SPOCK1: variants seen among roughly 807,000 people sequenced by gnomAD.
The protein encoded by SPOCK1 is testican-1.
A neutral mutation model predicts 55.3 loss-of-function variants in SPOCK1; 23 were observed. The observed-to-expected ratio is 0.42, with a 90% CI of 0.30 to 0.59. The LOEUF (loss-of-function observed/expected upper bound fraction) is 0.59. SPOCK1 is among the 20% of genes least tolerant of loss of function. The pLI is 0.22. For missense variants in SPOCK1, 499 were observed against 552.5 expected (o/e 0.90, Z 0.97); for synonymous variants, 226 against 221.0 (o/e 1.02, Z -0.20).
chr5:137,005,733 G>T (rs1280828205), intron 6 of SPOCK1, among the ~76,000 whole-genome samples: 2 of 151,898 alleles, frequency 1.3e-5, no homozygotes, highest in Admixed American at 6.6e-5. Context: ...ATTACAGAAG[G>T]TTACAGAGTA....
At chr5:137,148,873 A>C (rs931300279) in intron 3 of SPOCK1, among the ~76,000 whole-genome samples, 1 of 152,190 alleles carries the variant, frequency 6.6e-6, no homozygotes, top group Non-Finnish European at 1.5e-5. Flanking sequence ...TAATGAAAAT[A>C]ACTTCTGATG....
intron 4 of SPOCK1, among the ~76,000 whole-genome samples, chr5:137,124,137 G>T (rs145578945): frequency 2.0e-5 from 3 of 152,180 alleles, no homozygotes; most frequent in African/African-American, 4.8e-5. Flanking sequence ...AGAAAATGGT[G>T]CAAGGAGAAA....
chr5:137,022,867 C>T (rs1411295157), intron 6 of SPOCK1, among the ~76,000 whole-genome samples: 1 of 152,194 alleles, frequency 6.6e-6, no homozygotes, highest in Non-Finnish European at 1.5e-5. Context: ...TAGAATTCTC[C>T]ACTGCTCATT....
chr5:137,146,417 C>G (rs1754194557), intron 3 of SPOCK1, among the ~76,000 whole-genome samples: 1 of 152,222 alleles, frequency 6.6e-6, no homozygotes, highest in Non-Finnish European at 1.5e-5. Context: ...AAAAAGTCCA[C>G]CAGTTAAAGA....
intron 2 of SPOCK1, among the ~76,000 whole-genome samples, chr5:137,460,917 C>T (rs1276071587): frequency 2.6e-5 from 4 of 152,174 alleles, no homozygotes; most frequent in Non-Finnish European, 5.9e-5. Flanking sequence ...GCTGCCTCCA[C>T]TCAACTTTCT....
At chr5:137,323,014 C>A (rs1472349380) in intron 2 of SPOCK1, among the ~76,000 whole-genome samples, 1 of 151,926 alleles carries the variant, frequency 6.6e-6, no homozygotes, top group African/African-American at 2.4e-5. Flanking sequence ...TATAACAAAC[C>A]CACTCGTGCA....
chr5:137,193,120 A>G (rs1338309208), intron 3 of SPOCK1, among the ~76,000 whole-genome samples: 2 of 152,126 alleles, frequency 1.3e-5, no homozygotes, highest in African/African-American at 4.8e-5. Context: ...TGTGGCAAAG[A>G]CTCTGGAGGG....
intron 2 of SPOCK1, among the ~76,000 whole-genome samples, chr5:137,326,686 G>C (rs1314013828): frequency 6.6e-6 from 1 of 152,206 alleles, no homozygotes; most frequent in South Asian, 2.1e-4. Context: ...AAATTAGAAT[G>C]TGCCAAGATC....
intron 3 of SPOCK1, among the ~76,000 whole-genome samples, chr5:137,147,400 G>A (rs568246977): frequency 6.6e-6 from 1 of 152,344 alleles, no homozygotes; most frequent in African/African-American, 2.4e-5. Flanking sequence ...CAGCCATAAT[G>A]AAAGTACCAC....
At chr5:137,374,592 A>G (rs1454580092) in intron 2 of SPOCK1, among the ~76,000 whole-genome samples, 2 of 152,156 alleles carry the variant, frequency 1.3e-5, no homozygotes, top group East Asian at 1.9e-4. Context: ...TGCTACTGCC[A>G]TGAATCCATG....
chr5:137,092,630 G>A (rs145629880), intron 5 of SPOCK1, among the ~76,000 whole-genome samples: 105 of 152,286 alleles, frequency 6.9e-4, no homozygotes, highest in East Asian at 3.9e-3. Flanking sequence ...GGACAGAGAC[G>A]TTGCCTAGTA....
At chr5:137,001,279 T>C (rs1438399442) in intron 6 of SPOCK1, among the ~76,000 whole-genome samples, 1 of 152,188 alleles carries the variant, frequency 6.6e-6, no homozygotes, top group Non-Finnish European at 1.5e-5. Context: ...TGATTTGTGT[T>C]TGTGGACACA....
At chr5:137,328,199 T>C (rs968719302) in intron 2 of SPOCK1, among the ~76,000 whole-genome samples, 1 of 152,188 alleles carries the variant, frequency 6.6e-6, no homozygotes, top group African/African-American at 2.4e-5. Context: ...TCTGTACATC[T>C]CACCCAGATA....
intron 3 of SPOCK1, among the ~76,000 whole-genome samples, chr5:137,177,010 C>A (rs1197445460): frequency 1.3e-5 from 2 of 152,064 alleles, no homozygotes; most frequent in African/African-American, 4.8e-5. Flanking sequence ...TCCTCCTCTG[C>A]CAGAAAAATT....
chr5:137,016,803 A>G (rs985891928), intron 6 of SPOCK1, among the ~76,000 whole-genome samples: 2 of 152,248 alleles, frequency 1.3e-5, no homozygotes, highest in Non-Finnish European at 2.9e-5. Flanking sequence ...AGAGCAAAAC[A>G]ATCAAAAACA....
At chr5:137,021,104 T>A (rs1209821310) in intron 6 of SPOCK1, among the ~76,000 whole-genome samples, 1 of 152,098 alleles carries the variant, frequency 6.6e-6, no homozygotes, top group African/African-American at 2.4e-5. Context: ...TGTAAGAATG[T>A]TAATATCAGC....
intron 2 of SPOCK1, among the ~76,000 whole-genome samples, chr5:137,381,401 G>A (rs1040637646): frequency 6.6e-6 from 1 of 152,148 alleles, no homozygotes; most frequent in Non-Finnish European, 1.5e-5. Flanking sequence ...TCTGTGTGGG[G>A]GCTTCAACTC....
At chr5:137,007,919 A>G (rs1428718929) in intron 6 of SPOCK1, among the ~76,000 whole-genome samples, 1 of 152,182 alleles carries the variant, frequency 6.6e-6, no homozygotes, top group African/African-American at 2.4e-5. Flanking sequence ...ACTGGAAAAG[A>G]AAATGTGGCT....
chr5:137,338,307 T>C lies in SPOCK1; in HGVS notation c.187-71252A>G, dbSNP rs530811305. Among the ~76,000 whole-genome samples, 18 of 152,200 alleles carry C rather than the reference T, an allele frequency of 1.2e-4. 1 individual carries two copies. In the South Asian group the frequency reaches 3.5e-3, roughly 30 times the overall value. ...CCTTGCGATAGTTTGCTGAGAATGATGGTTTCCAGCTTCATCCATGTCCCT... is the reference window on the plus strand; with the variant it reads ...CCTTGCGATAGTTTGCTGAGAATGACGGTTTCCAGCTTCATCCATGTCCCT... On this transcript the variant is annotated intron_variant, in intron 2 of 10. Coordinates refer to ENST00000394945, the MANE Select transcript of SPOCK1 (RefSeq NM_004598.4).
Sources: allele counts gnomAD v4.1 joint callset (sites outside exome capture counted in the v4.1 genomes callset), GRCh38; gene constraint gnomAD v4.1.1; transcripts MANE v1.5; gene names NCBI Gene and HGNC (gene_info 2026-07-23, HGNC 2026-07-21).